Variants in CSMD2 observed in about 807,000 individuals in gnomAD.
CSMD2 encodes the protein CUB and Sushi multiple domains 2.
In CSMD2, 130 loss-of-function variants were observed where a neutral mutation model predicts 398.5. That is an observed-to-expected ratio of 0.33 (90% CI 0.28 to 0.38). The LOEUF (loss-of-function observed/expected upper bound fraction) is 0.38. Among genes scored for constraint, CSMD2 ranks in the 10% least tolerant of loss-of-function variants. The probability of loss-of-function intolerance (pLI) is 1.00; values close to 1 mark genes in which losing one functional copy is unlikely to be tolerated. For missense variants in CSMD2, 3,829 were observed against 4,764.9 expected (o/e 0.80, Z 5.78); for synonymous variants, 1,828 against 1,908.5 (o/e 0.96, Z 1.10).
chr1:33,625,389 G>A (rs1642051873), intron 33 of CSMD2, 135 bp from the exon 34 acceptor site: 2 of 770,662 alleles, frequency 2.6e-6, no homozygotes, highest in Non-Finnish European at 4.2e-6. Context: ...CGTAGGGAAG[G>A]GCTCGAGGGC....
chr1:33,767,815 T>C (rs1650710845), intron 13 of CSMD2, among the ~76,000 whole-genome samples: 1 of 152,220 alleles, frequency 6.6e-6, no homozygotes, highest in Non-Finnish European at 1.5e-5. Context: ...GCAGTTTGCT[T>C]CTATACTCTG....
intron 9 of CSMD2, among the ~76,000 whole-genome samples, chr1:33,817,431 C>A (rs970234561): frequency 1.3e-5 from 2 of 152,094 alleles, no homozygotes; most frequent in African/African-American, 4.8e-5. Flanking sequence ...CAAATGAAGG[C>A]CTGTGGCTAA....
intron 21 of CSMD2, among the ~76,000 whole-genome samples, chr1:33,710,424 T>C (rs975061943): frequency 6.6e-6 from 1 of 152,200 alleles, no homozygotes; most frequent in Non-Finnish European, 1.5e-5. Flanking sequence ...AATGAATGAA[T>C]GAATGGATAT....
chr1:34,111,336 A>G (rs1383950863), intron 1 of CSMD2, among the ~76,000 whole-genome samples: 2 of 152,232 alleles, frequency 1.3e-5, no homozygotes, highest in African/African-American at 4.8e-5. Context: ...AAAATCTGGG[A>G]AGGAAGGATC....
chr1:33,822,417 A>G (rs1204918085), intron 7 of CSMD2, among the ~76,000 whole-genome samples: 2 of 151,690 alleles, frequency 1.3e-5, no homozygotes, highest in African/African-American at 2.4e-5. Context: ...CCGTGTTTAA[A>G]CCTCCAGGTA....
intron 13 of CSMD2, among the ~76,000 whole-genome samples, chr1:33,749,008 C>A (rs578176166): frequency 6.6e-6 from 1 of 151,526 alleles, no homozygotes; most frequent in Non-Finnish European, 1.5e-5. Flanking sequence ...AAAGAAAAAT[C>A]CATAATCACT....
chr1:33,749,011 TA>T (rs1379963254), intron 13 of CSMD2, among the ~76,000 whole-genome samples: 1 of 149,194 alleles, frequency 6.7e-6, no homozygotes, highest in Admixed American at 6.7e-5. Context: ...GAAAAATCCA[TA>T]ATCACTTAAA....
intron 53 of CSMD2, among the ~76,000 whole-genome samples, chr1:33,565,274 T>C (rs1354941042): frequency 6.6e-6 from 1 of 151,944 alleles, no homozygotes; most frequent in Non-Finnish European, 1.5e-5. Context: ...AAAAGGGACA[T>C]AAAAGTGTGT....
chr1:33,835,716 A>AAAC (rs1660162586), intron 6 of CSMD2, among the ~76,000 whole-genome samples: 1 of 149,626 alleles, frequency 6.7e-6, no homozygotes, highest in African/African-American at 2.4e-5. Flanking sequence ...ATACATTTCA[A>AAAC]AAAAAAAAAG....
intron 5 of CSMD2, chr1:33,873,691 C>T (rs555078054): frequency 1.3e-5 from 2 of 152,356 alleles, no homozygotes; most frequent in South Asian, 4.1e-4. Context: ...GACTGCCGCC[C>T]TAGTGGACAC....
chr1:33,642,665 ATTG>A (rs1425144008), intron 29 of CSMD2, among the ~76,000 whole-genome samples: 1 of 152,150 alleles, frequency 6.6e-6, no homozygotes, highest in Non-Finnish European at 1.5e-5. Flanking sequence ...TGTTATCTGT[ATTG>A]TTAAAATATA....
chr1:33,841,811 C>A (rs1221189895), intron 6 of CSMD2, among the ~76,000 whole-genome samples: 3 of 152,206 alleles, frequency 2.0e-5, no homozygotes, highest in Non-Finnish European at 4.4e-5. Context: ...ACCCACTCAG[C>A]CACTATCAAA....
chr1:33,638,763 C>T (rs2148924007), intron 29 of CSMD2, among the ~76,000 whole-genome samples: 1 of 152,304 alleles, frequency 6.6e-6, no homozygotes, highest in Middle Eastern at 3.4e-3. Context: ...AGCTCAATTT[C>T]TCCTTCAGTG....
rs1171669382 is a variant in CSMD2, at chr1:34,164,542, G to T, written c.187+369C>A. Among the ~76,000 whole-genome samples the T allele has an allele frequency of 1.3e-5, 2 of 152,078 alleles. No individual in the cohort carries two copies. The highest frequency in any genetic ancestry group is 2.9e-5 in the Non-Finnish European group (2 of 68,024). On this transcript the variant is annotated intron_variant, in intron 1 of 70. Transcript: ENST00000373381. The surrounding 1 kb of genome is among the most constrained non-coding windows in gnomAD (Gnocchi z 6.2). ...AGGAGCCGGGGGAGTAGGGCTCCCGGAAAGTTTATCGGGAAAAAGCCTAGC... is the reference window on the plus strand; with the variant it reads ...AGGAGCCGGGGGAGTAGGGCTCCCGTAAAGTTTATCGGGAAAAAGCCTAGC...
intron 53 of CSMD2, among the ~76,000 whole-genome samples, chr1:33,562,319 GC>G (rs1173163397): frequency 6.6e-6 from 1 of 152,168 alleles, no homozygotes; most frequent in Non-Finnish European, 1.5e-5. Context: ...CATCTCTGGT[GC>G]CCCCATATAA....
intron 2 of CSMD2, among the ~76,000 whole-genome samples, chr1:34,052,102 C>T (rs998546804): frequency 1.1e-4 from 17 of 151,790 alleles, no homozygotes; most frequent in Admixed American, 8.5e-4. Context: ...GGGTCTCCAG[C>T]TTGCCAACTG....
intron 12 of CSMD2, among the ~76,000 whole-genome samples, chr1:33,775,923 G>T (rs987478320): frequency 6.6e-6 from 1 of 152,186 alleles, no homozygotes; most frequent in African/African-American, 2.4e-5. Flanking sequence ...TTTCAAGAAG[G>T]AGATCAACAG....
intron 6 of CSMD2, among the ~76,000 whole-genome samples, chr1:33,833,049 C>T (rs966360128): frequency 1.4e-5 from 2 of 145,414 alleles, no homozygotes; most frequent in African/African-American, 2.6e-5. Flanking sequence ...CAGATGGATT[C>T]ACAGCCGAAT....
chr1:33,974,978 C>T (rs982502991), intron 3 of CSMD2, among the ~76,000 whole-genome samples: 7 of 152,294 alleles, frequency 4.6e-5, no homozygotes, highest in Admixed American at 3.3e-4. Context: ...AGCCATGATG[C>T]CAGATGCTTA....
Sources: allele counts gnomAD v4.1 joint callset (sites outside exome capture counted in the v4.1 genomes callset), GRCh38; gene constraint gnomAD v4.1.1; non-coding constraint Gnocchi (gnomAD v3.1); transcripts MANE v1.5; gene names NCBI Gene and HGNC (gene_info 2026-07-23, HGNC 2026-07-21).